Variants in EYS observed in about 807,000 individuals in gnomAD.
EYS encodes the protein protein eyes shut homolog.
EYS carries 250 observed loss-of-function variants against 282.1 expected under a neutral mutation model. The observed-to-expected ratio is 0.89, with a 90% CI of 0.80 to 0.98. EYS has a LOEUF of 0.98. Ranked by LOEUF, EYS falls within the 50% of genes least tolerant of loss-of-function variation. The pLI is 0.00. For synonymous variants in EYS, 1,355 were observed against 1,282.9 expected (o/e 1.06, Z -1.20); for missense variants, 4,016 against 3,709.0 (o/e 1.08, Z -2.15).
intron 36 of EYS, among the ~76,000 whole-genome samples, chr6:63,833,376 A>T (rs1771702204): frequency 6.6e-6 from 1 of 152,234 alleles, no homozygotes; most frequent in Admixed American, 6.5e-5. Context: ...AAGTTTCAGG[A>T]TACAAAATCA....
At chr6:64,682,174 C>T (rs9363093) in intron 22 of EYS, among the ~76,000 whole-genome samples, 110,965 of 152,048 alleles carry the variant, frequency 0.73, 40,912 homozygotes, top group Middle Eastern at 0.79. Context: ...ACCATCCTGG[C>T]TAATAGGGTG....
intron 15 of EYS, among the ~76,000 whole-genome samples, chr6:64,916,974 G>A (rs1768185274): frequency 6.6e-6 from 1 of 152,224 alleles, no homozygotes; most frequent in African/African-American, 2.4e-5. Context: ...TACTCATTAA[G>A]GTGCGTTGGC....
At chr6:64,431,063 A>G (rs553457676) in intron 28 of EYS, among the ~76,000 whole-genome samples, 1 of 152,270 alleles carries the variant, frequency 6.6e-6, no homozygotes, top group South Asian at 2.1e-4. Context: ...GTAGAGGGCC[A>G]TTTGCCAGGA....
chr6:65,691,506 C>CA (rs148109497), intron 1 of EYS, among the ~76,000 whole-genome samples: 55,661 of 149,716 alleles, frequency 0.37, 14,251 homozygotes, highest in Non-Finnish European at 0.51. Flanking sequence ...GGATAGATTG[C>CA]AAAAATATTC....
chr6:64,749,440 G>A (rs1334621107), intron 22 of EYS, among the ~76,000 whole-genome samples: 2 of 152,092 alleles, frequency 1.3e-5, no homozygotes, highest in Non-Finnish European at 2.9e-5. Flanking sequence ...GGGCCCACTT[G>A]TTTAAGGCAT....
At chr6:64,658,089 C>T (rs1448613363) in intron 22 of EYS, among the ~76,000 whole-genome samples, 1 of 152,106 alleles carries the variant, frequency 6.6e-6, no homozygotes, top group Non-Finnish European at 1.5e-5. Flanking sequence ...TCTCTTCTTG[C>T]TTCATTTCAT....
intron 31 of EYS, among the ~76,000 whole-genome samples, chr6:64,109,506 A>G (rs1299682290): frequency 6.6e-6 from 1 of 152,140 alleles, no homozygotes; most frequent in African/African-American, 2.4e-5. Context: ...CACTGATATA[A>G]TTATCAAGTT....
At chr6:65,358,694 A>C (rs1048473463) in intron 8 of EYS, among the ~76,000 whole-genome samples, 2 of 151,472 alleles carry the variant, frequency 1.3e-5, no homozygotes, top group African/African-American at 4.9e-5. Context: ...CATGCTTATC[A>C]GAAGTTTCCT....
At chr6:64,183,409 G>C (rs777966856) in intron 31 of EYS, among the ~76,000 whole-genome samples, 6 of 152,088 alleles carry the variant, frequency 3.9e-5, no homozygotes, top group Non-Finnish European at 8.8e-5. Flanking sequence ...TGTAAGGTGA[G>C]GACTTTACCT....
At chr6:64,975,008 C>G (rs1031520220) in intron 14 of EYS, among the ~76,000 whole-genome samples, 2 of 151,556 alleles carry the variant, frequency 1.3e-5, no homozygotes, top group African/African-American at 4.8e-5. Flanking sequence ...AACCAGAGGT[C>G]CCCAGAGAAT....
At chr6:65,400,300 T>G (rs1006781394) in intron 7 of EYS, among the ~76,000 whole-genome samples, 1 of 151,974 alleles carries the variant, frequency 6.6e-6, no homozygotes, top group African/African-American at 2.4e-5. Context: ...CTCCATTTTA[T>G]TTTCAAATAA....
intron 13 of EYS, among the ~76,000 whole-genome samples, chr6:65,047,719 T>C (rs1035413429): frequency 6.6e-6 from 1 of 151,914 alleles, no homozygotes; most frequent in African/African-American, 2.4e-5. Flanking sequence ...GATGATGCAA[T>C]TGAACTCAGA....
At chr6:64,603,796 G>C (rs561110166) in intron 24 of EYS, among the ~76,000 whole-genome samples, 1 of 150,710 alleles carries the variant, frequency 6.6e-6, no homozygotes, top group African/African-American at 2.4e-5. Context: ...TATATAGATA[G>C]TACTACAGAT....
At chr6:65,541,039 G>T (rs1768151202) in intron 2 of EYS, among the ~76,000 whole-genome samples, 2 of 151,888 alleles carry the variant, frequency 1.3e-5, no homozygotes, top group African/African-American at 2.4e-5. Context: ...AAATAAAATT[G>T]CCTATATAGT....
chr6:63,798,983 G>GTATA (rs1770711441), intron 37 of EYS, among the ~76,000 whole-genome samples: 6 of 102,028 alleles, frequency 5.9e-5, no homozygotes, highest in African/African-American at 2.1e-4. Flanking sequence ...ATATGTATAT[G>GTATA]TGTGTATATA....
At chr6:65,069,497 A>G (rs1773845463) in intron 12 of EYS, among the ~76,000 whole-genome samples, 1 of 151,830 alleles carries the variant, frequency 6.6e-6, no homozygotes, top group African/African-American at 2.4e-5. Context: ...CATCTTACAT[A>G]ATCTCGAGAT....
At chr6:63,887,364 G>C (rs1773289993) in intron 35 of EYS, among the ~76,000 whole-genome samples, 1 of 136,456 alleles carries the variant, frequency 7.3e-6, no homozygotes, top group Non-Finnish European at 1.5e-5. Flanking sequence ...GGATTCCCAG[G>C]CAAGATAGCC....
At chr6:64,044,772 A>G (rs1011010476) in intron 33 of EYS, among the ~76,000 whole-genome samples, 4 of 152,154 alleles carry the variant, frequency 2.6e-5, no homozygotes, top group Non-Finnish European at 5.9e-5. Flanking sequence ...TGGTGAGAAC[A>G]TATGATTTAC....
chr6:64,729,923 T>G (rs185665805), intron 22 of EYS, among the ~76,000 whole-genome samples: 1 of 152,160 alleles, frequency 6.6e-6, no homozygotes, highest in Non-Finnish European at 1.5e-5. Flanking sequence ...TTGTTATGCA[T>G]GTAAAGACAT....
Sources: allele counts gnomAD v4.1 joint callset (sites outside exome capture counted in the v4.1 genomes callset), GRCh38; gene constraint gnomAD v4.1.1; transcripts MANE v1.5; gene names NCBI Gene and HGNC (gene_info 2026-07-23, HGNC 2026-07-21).